AIM2: variants seen among roughly 807,000 people sequenced by gnomAD.
AIM2 encodes the protein absent in melanoma 2, also known as interferon-inducible protein AIM2.
In AIM2, 30 loss-of-function variants were observed where a neutral mutation model predicts 27.7. The ratio of observed to expected loss-of-function variants is 1.08; its 90% CI spans 0.81 to 1.47. AIM2 has a LOEUF of 1.47. Ranked by LOEUF, AIM2 falls within the 40% of genes most tolerant of loss-of-function variation. The probability of loss-of-function intolerance (pLI) is 0.00; values close to 1 mark genes in which losing one functional copy is unlikely to be tolerated. For missense variants in AIM2, 358 were observed against 411.3 expected (o/e 0.87, Z 1.12); for synonymous variants, 141 against 145.3 (o/e 0.97, Z 0.21).
In AIM2 at chr1:159,068,656, T is replaced by C. The variant is rs1656220054; in HGVS notation, c.308A>G (p.Gln103Arg). The C allele has an allele frequency of 6.2e-7, 1 of 1,613,908 alleles. No individual in the cohort carries two copies. The highest frequency in any genetic ancestry group is 8.5e-7 in the Non-Finnish European group (1 of 1,179,864). ...KSVTKPKPLS[Q>R]AEMSPAASAA... ...AGATGCAGCAGGACTCATTTCAGCT[T>C]GACTTAGTGGCTTTGGTTTTGTTAC... Residue 103 changes from glutamine (Q) to arginine (R), a missense_variant, in exon 3 of 6, where the codon CAA becomes CGA. Coordinates refer to ENST00000368130, the MANE Select transcript of AIM2 (RefSeq NM_004833.3).
In AIM2 at chr1:159,062,695, T is replaced by G. The variant is rs776790287; in HGVS notation, c.1029A>C (p.Thr343=). The change falls in exon 6 of 6, where the codon ACA becomes ACC. Residue 343 remains threonine (T), a synonymous_variant. Coordinates refer to ENST00000368130, the MANE Select transcript of AIM2 (RefSeq NM_004833.3). ...TGAATTGGTCCTTTTTACTTCTCTATGTTTTTTTTTTGGCCTTAATAACCT... is the reference window on the plus strand; with the variant it reads ...TGAATTGGTCCTTTTTACTTCTCTAGGTTTTTTTTTTGGCCTTAATAACCT... ...TIKVIKAKKK[T] is the part of the protein sequence containing the mutation. 13 of 1,613,224 alleles carry G rather than the reference T, an allele frequency of 8.1e-6. 1 individual carries two copies. In the South Asian group the frequency reaches 1.4e-4, roughly 18 times the overall value.
chr1:159,116,138 A>G (rs1647341304), intron 1 of AIM2, among the ~76,000 whole-genome samples: 1 of 151,588 alleles, frequency 6.6e-6, no homozygotes, highest in Admixed American at 6.6e-5. Flanking sequence ...ATGAGATACC[A>G]TCTCACACCT....
chr1:159,072,835 T>C (rs1656419622), intron 2 of AIM2, among the ~76,000 whole-genome samples: 1 of 152,196 alleles, frequency 6.6e-6, no homozygotes, highest in Non-Finnish European at 1.5e-5. Context: ...GTTTACAGTT[T>C]TCCAATGCAA....
At chr1:159,075,831 A>C (rs1311969706) in intron 1 of AIM2, among the ~76,000 whole-genome samples, 1 of 152,214 alleles carries the variant, frequency 6.6e-6, no homozygotes, top group Non-Finnish European at 1.5e-5. Context: ...AAATAAGCCA[A>C]AGAACAGGAA....
Position 159,073,393 on chromosome 1 carries a change from G to A in AIM2, c.107C>T (p.Ala36Val). 1 of 1,614,112 alleles carries A rather than the reference G, an allele frequency of 6.2e-7. No homozygotes were observed. Among genetic ancestry groups the A allele is most frequent in the East Asian group, 2.2e-5 (1 of 44,886 alleles). ...GTTTGCAGTATGTAGTTTGCCTGTG[G>A]CAATATTAAACTCGTCTGAAAGAAA... ...KFFLSDEFNI[A>V]TGKLHTANRI... Residue 36 changes from alanine to valine, a missense_variant, in exon 2 of 6, where the codon GCC becomes GTC. By Grantham distance (64) the Ala-to-Val change is moderately conservative (BLOSUM62 0). Coordinates refer to ENST00000368130, the MANE Select transcript of AIM2 (RefSeq NM_004833.3).
intron 1 of AIM2, among the ~76,000 whole-genome samples, chr1:159,093,578 T>G (rs1016602143): frequency 6.6e-6 from 1 of 152,180 alleles, no homozygotes; most frequent in Non-Finnish European, 1.5e-5. Flanking sequence ...TGTGGCATAT[T>G]CATGGATACT....
intron 2 of AIM2, among the ~76,000 whole-genome samples, chr1:159,071,761 T>C (rs956048122): frequency 2.0e-5 from 3 of 152,188 alleles, no homozygotes; most frequent in Non-Finnish European, 4.4e-5. Context: ...CCACCCGCCT[T>C]GGCCTCCCAA....
At position 159,070,859 on chromosome 1, in the gene AIM2, C is replaced by A. The variant is rs115836195; in HGVS notation, c.263-2158G>T. On this transcript the variant is annotated intron_variant, in intron 2 of 5. Coordinates refer to ENST00000368130, the MANE Select transcript of AIM2 (RefSeq NM_004833.3). ...AGATAAAGTCTCTCTTCTATGTTCA[C>A]AGCATCGGAGAGAAAACAGCATCAA... Among the ~76,000 whole-genome samples the A allele has an allele frequency of 9.3e-3, 1,413 of 152,294 alleles. 12 individuals carry two copies. The highest frequency in any genetic ancestry group is 0.014 in the Non-Finnish European group (980 of 68,026).
intron 1 of AIM2, among the ~76,000 whole-genome samples, chr1:159,108,264 A>G (rs991980005): frequency 3.9e-5 from 6 of 152,196 alleles, no homozygotes; most frequent in African/African-American, 1.4e-4. Flanking sequence ...AACATATGCC[A>G]GTCAAGAAAT....
intron 1 of AIM2, among the ~76,000 whole-genome samples, chr1:159,103,732 T>C (rs1320007818): frequency 6.6e-6 from 1 of 152,162 alleles, no homozygotes; most frequent in African/African-American, 2.4e-5. Flanking sequence ...CTTGCACACC[T>C]CTCCTTTCTT....
chr1:159,067,136 G>A (rs1656138852), intron 3 of AIM2, among the ~76,000 whole-genome samples: 1 of 152,112 alleles, frequency 6.6e-6, no homozygotes, highest in African/African-American at 2.4e-5. Flanking sequence ...ATTCAATAAA[G>A]GGAAAGGTCC....
chr1:159,139,287 T>A (rs906223678), intron 1 of AIM2, among the ~76,000 whole-genome samples: 2 of 152,178 alleles, frequency 1.3e-5, no homozygotes, highest in African/African-American at 4.8e-5. Context: ...TCAGACCTCT[T>A]AGGGTAGCAC....
intron 2 of AIM2, among the ~76,000 whole-genome samples, chr1:159,069,226 G>A (rs543391216): frequency 5.9e-5 from 9 of 151,928 alleles, no homozygotes; most frequent in Non-Finnish European, 1.2e-4. Flanking sequence ...AATGGTTTGG[G>A]ACGCTATTTA....
At chr1:159,112,950 T>TAA (rs1553219841) in intron 1 of AIM2, among the ~76,000 whole-genome samples, 3 of 150,128 alleles carry the variant, frequency 2.0e-5, no homozygotes, top group Non-Finnish European at 3.0e-5. Flanking sequence ...TATATATATA[T>TAA]AATTTTTTTT....
chr1:159,068,593 G>C lies in AIM2; in HGVS notation c.371C>G (p.Ala124Gly), dbSNP rs754790018. ...IRNDVAKQRA[A>G]PKVSPHVKPE... ...CTTAACATGAGGAGAGACTTTTGGT[G>C]CAGCACGTTGCTTTGCGACATCATT... The change falls in exon 3 of 6, where the codon GCA (alanine) becomes GGA (glycine). Residue 124 changes from alanine to glycine, a missense_variant. Ala to Gly is a moderately conservative substitution (Grantham distance 60). Transcript: ENST00000368130. 3 of 1,613,582 alleles carry C rather than the reference G, an allele frequency of 1.9e-6. No individual in the cohort carries two copies. Among genetic ancestry groups the C allele is most frequent in the Non-Finnish European group, 2.5e-6 (3 of 1,179,756 alleles).
intron 1 of AIM2, among the ~76,000 whole-genome samples, chr1:159,087,573 CT>C (rs55908329): frequency 0.56 from 65,418 of 116,620 alleles, 21,872 homozygotes; most frequent in Non-Finnish European, 0.76. Flanking sequence ...TGGATAAAGT[CT>C]TTTTTTTTTT....
At chr1:159,142,320 A>C (rs1648128146), upstream of AIM2, among the ~76,000 whole-genome samples, 1 of 152,218 alleles carries the variant, frequency 6.6e-6, no homozygotes, top group East Asian at 1.9e-4. Flanking sequence ...CAGCATCTTC[A>C]CTAGAATTAA....
At chr1:159,125,584 G>A (rs1647665118) in intron 1 of AIM2, among the ~76,000 whole-genome samples, 1 of 152,224 alleles carries the variant, frequency 6.6e-6, no homozygotes, top group South Asian at 2.1e-4. Context: ...TTAGACAGAT[G>A]TGGCTTTGAC....
intron 2 of AIM2, among the ~76,000 whole-genome samples, chr1:159,072,994 G>C (rs12132363): frequency 0.055 from 8,327 of 152,294 alleles, 322 homozygotes; most frequent in Non-Finnish European, 0.085. Context: ...GATGTTAAAT[G>C]GAAGTGGTAA....
Sources: gnomAD v4.1 joint callset for allele counts (sites outside exome capture counted in the v4.1 genomes callset) on GRCh38, gnomAD v4.1.1 for gene constraint, MANE v1.5 for transcripts, NCBI Gene and HGNC (gene_info 2026-07-23, HGNC 2026-07-21) for gene names.